Variants in PRIM2 observed in about 807,000 individuals in gnomAD.
PRIM2 encodes DNA primase large subunit.
Under a neutral mutation model 67.3 loss-of-function variants are expected in PRIM2, and 39 were observed. The ratio of observed to expected loss-of-function variants is 0.58; its 90% confidence interval spans 0.45 to 0.76. PRIM2 has a LOEUF of 0.76. PRIM2 is among the 30% of genes least tolerant of loss of function. The pLI, the probability that PRIM2 is intolerant of heterozygous loss-of-function variation, is 0.00. For missense variants in PRIM2, 398 were observed against 598.7 expected (o/e 0.66, Z 3.50); for synonymous variants, 143 against 198.7 (o/e 0.72, Z 2.36).
At chr6:57,237,732 G>A in the PRIM2 span, among the ~76,000 whole-genome samples, 6 of 152,106 alleles carry the variant, frequency 3.9e-5, no homozygotes, top group Non-Finnish European at 8.8e-5. Flanking sequence ...TTGCAGATGT[G>A]TGGTATTATT....
chr6:57,474,951 T>C (rs1266869647), intron 7 of PRIM2, among the ~76,000 whole-genome samples: 5 of 152,168 alleles, frequency 3.3e-5, no homozygotes, highest in African/African-American at 1.2e-4. Context: ...TGATTTGCTT[T>C]AGATTCTTTG....
intron 7 of PRIM2, among the ~76,000 whole-genome samples, chr6:57,450,766 T>C (rs1772518351): frequency 6.6e-6 from 1 of 152,242 alleles, no homozygotes; most frequent in Admixed American, 6.5e-5. Flanking sequence ...CAGTCAAATA[T>C]TTATTGAATT....
intron 12 of PRIM2, among the ~76,000 whole-genome samples, chr6:57,618,554 C>A (rs1483392903): frequency 6.6e-6 from 1 of 152,158 alleles, no homozygotes; most frequent in Non-Finnish European, 1.5e-5. Context: ...AGCCTGCCTT[C>A]CACCTGGAAA....
intron 5 of PRIM2, among the ~76,000 whole-genome samples, chr6:57,357,266 A>G (rs1769060204): frequency 6.6e-6 from 1 of 152,178 alleles, no homozygotes; most frequent in East Asian, 1.9e-4. Flanking sequence ...GCAAGAGTGC[A>G]GATATTTACA....
chr6:57,524,842 C>A (rs1379534181), intron 8 of PRIM2, among the ~76,000 whole-genome samples: 3 of 151,998 alleles, frequency 2.0e-5, no homozygotes, highest in Admixed American at 2.0e-4. Context: ...TTGTTATACA[C>A]AATTGCAAAA....
At chr6:57,571,934 C>CT (rs1775871410) in intron 10 of PRIM2, among the ~76,000 whole-genome samples, 1 of 152,194 alleles carries the variant, frequency 6.6e-6, no homozygotes, top group South Asian at 2.1e-4. Flanking sequence ...AGAGGAACCT[C>CT]TAATCACTCC....
chr6:57,501,655 G>C (rs1397429826), intron 7 of PRIM2, among the ~76,000 whole-genome samples: 1 of 152,170 alleles, frequency 6.6e-6, no homozygotes, highest in Non-Finnish European at 1.5e-5. Context: ...TTTTGAGACA[G>C]ATATTTTGGA....
chr6:57,462,650 T>C (rs1342100500), intron 7 of PRIM2, among the ~76,000 whole-genome samples: 1 of 152,202 alleles, frequency 6.6e-6, no homozygotes, highest in Non-Finnish European at 1.5e-5. Context: ...GTAGGGAGTA[T>C]TTCCTTTGTT....
At chr6:57,367,917 G>A (rs1319467926) in intron 5 of PRIM2, among the ~76,000 whole-genome samples, 1 of 152,202 alleles carries the variant, frequency 6.6e-6, no homozygotes, top group African/African-American at 2.4e-5. Flanking sequence ...CAAGGGGAGG[G>A]CAAATAGATC....
At chr6:57,524,634 G>C (rs1554349198) in intron 8 of PRIM2, among the ~76,000 whole-genome samples, 1 of 152,070 alleles carries the variant, frequency 6.6e-6, no homozygotes, top group African/African-American at 2.4e-5. Flanking sequence ...CGGGGAGGCA[G>C]AGGTTGCGGT....
the PRIM2 span, among the ~76,000 whole-genome samples, chr6:57,238,479 A>G: frequency 6.6e-6 from 1 of 152,222 alleles, no homozygotes; most frequent in Non-Finnish European, 1.5e-5. Flanking sequence ...TATATAATGA[A>G]ATGAAGGCAG....
chr6:57,601,021 A>G, intron 10 of PRIM2, 72 bp from the exon 11 acceptor site: 6 of 1,387,728 alleles, frequency 4.3e-6, no homozygotes, highest in East Asian at 4.9e-5. Flanking sequence ...CTTTGATTCT[A>G]GCTTGTGTTG....
intron 7 of PRIM2, among the ~76,000 whole-genome samples, chr6:57,458,287 G>A (rs9475987): frequency 3.9e-5 from 6 of 152,098 alleles, no homozygotes; most frequent in Non-Finnish European, 4.4e-5. Flanking sequence ...CAAAAGTTAC[G>A]TATCACCTTG....
At chr6:57,619,186 C>T (rs1406351668) in intron 12 of PRIM2, among the ~76,000 whole-genome samples, 15 of 152,218 alleles carry the variant, frequency 9.9e-5, no homozygotes, top group Non-Finnish European at 1.8e-4. Flanking sequence ...TATTGCAGTT[C>T]GGCTCACAGA....
At chr6:57,591,172 G>A (rs1466952420) in intron 10 of PRIM2, among the ~76,000 whole-genome samples, 1 of 152,210 alleles carries the variant, frequency 6.6e-6, no homozygotes, top group Admixed American at 6.5e-5. Flanking sequence ...TAGTTTAATA[G>A]ATAGTAATTG....
the PRIM2 span, among the ~76,000 whole-genome samples, chr6:57,275,812 TG>T: frequency 6.6e-6 from 1 of 152,198 alleles, no homozygotes; most frequent in Non-Finnish European, 1.5e-5. Context: ...TTTCTCCCAG[TG>T]GGCCAACTGG....
chr6:57,576,922 C>T (rs1406024984), intron 10 of PRIM2, among the ~76,000 whole-genome samples: 19,320 of 148,240 alleles, frequency 0.13, 2,162 homozygotes, highest in African/African-American at 0.3. Context: ...CTTTTTTATA[C>T]TTCATATTGG....
the PRIM2 span, among the ~76,000 whole-genome samples, chr6:57,296,338 A>T: frequency 6.6e-6 from 1 of 152,124 alleles, no homozygotes; most frequent in Admixed American, 6.5e-5. Flanking sequence ...TTATATATAT[A>T]TATTATAGGA....
chr6:57,488,119 A>T (rs1362217002), intron 7 of PRIM2, among the ~76,000 whole-genome samples: 1 of 152,200 alleles, frequency 6.6e-6, no homozygotes, highest in Non-Finnish European at 1.5e-5. Context: ...TCAGGCTTAC[A>T]TCATTTGTTA....
Sources: allele counts gnomAD v4.1 joint callset (sites outside exome capture counted in the v4.1 genomes callset), GRCh38; gene constraint gnomAD v4.1.1; transcripts MANE v1.5; gene names NCBI Gene and HGNC (gene_info 2026-07-23, HGNC 2026-07-21).